The following TLN2 variants were observed in gnomAD, a reference collection of about 807,000 sequenced individuals.
TLN2 encodes talin 2.
A neutral mutation model predicts 294.7 loss-of-function variants in TLN2; 118 were observed. The ratio of observed to expected loss-of-function variants is 0.40; its 90% CI spans 0.34 to 0.47. The LOEUF is 0.47. Ranked by LOEUF, TLN2 falls within the 20% of genes least tolerant of loss-of-function variation. The probability of loss-of-function intolerance (pLI) is 0.84; values close to 1 mark genes in which losing one functional copy is unlikely to be tolerated. For synonymous variants in TLN2, 1,431 were observed against 1,304.5 expected (o/e 1.10, Z -2.09); for missense variants, 3,083 against 3,282.2 (o/e 0.94, Z 1.48).
At chr15:62,712,743 C>T (rs1042426336) in intron 22 of TLN2, among the ~76,000 whole-genome samples, 1 of 150,710 alleles carries the variant, frequency 6.6e-6, no homozygotes, top group East Asian at 1.9e-4. Flanking sequence ...TGTGTGTGTG[C>T]ATGCGTGCGT....
chr15:62,576,441 C>T (rs1478064311), intron 1 of TLN2, among the ~76,000 whole-genome samples: 1 of 152,040 alleles, frequency 6.6e-6, no homozygotes, highest in Non-Finnish European at 1.5e-5. Flanking sequence ...CCCAAAGGCA[C>T]CTGCCAACCT....
In TLN2 at chr15:62,819,481, C is replaced by A. The variant is rs201288062; in HGVS notation, c.6772-35C>A. The A allele has an allele frequency of 2.7e-5, 42 of 1,549,104 alleles. No homozygotes were observed. The African/African-American group carries it at 5.4e-4, about 20-fold the overall frequency. On this transcript the variant is annotated intron_variant, in intron 52 of 58. Coordinates refer to ENST00000636159, the MANE Select transcript of TLN2 (RefSeq NM_015059.3). ...TCTTTCCTGTCCCAGTGGTTACTAT[C>A]CCCCTCATGCCTCTGACTTGTTCTT...
At chr15:62,638,335 A>G (rs2050617509) in intron 3 of TLN2, 7 of 354,532 alleles carry the variant, frequency 2.0e-5, no homozygotes, top group South Asian at 1.1e-4. Context: ...TACCATTTCT[A>G]TGACAGTGAT....
intron 1 of TLN2, among the ~76,000 whole-genome samples, chr15:62,549,700 T>A (rs1056149725): frequency 2.0e-5 from 3 of 152,184 alleles, no homozygotes; most frequent in Non-Finnish European, 4.4e-5. Context: ...GAAGAGTGGT[T>A]TCTCTCAACC....
At chr15:62,449,327 A>C (rs1332396030) in intron 1 of TLN2, among the ~76,000 whole-genome samples, 1 of 152,070 alleles carries the variant, frequency 6.6e-6, no homozygotes, top group Non-Finnish European at 1.5e-5. Flanking sequence ...TCTTTGTCAG[A>C]GTTTGGTCCT....
At position 62,583,910 on chromosome 15, in the gene TLN2, T is replaced by C. The variant is rs1057010504; in HGVS notation, c.-237-5777T>C. Among the ~76,000 whole-genome samples, 3 of 152,328 alleles carry C rather than the reference T, an allele frequency of 2.0e-5. No homozygotes were observed. The South Asian group carries it at 6.2e-4, about 32-fold the overall frequency. ...TCATGGCATCTCTGTTTTTTTTGGT[T>C]GTGAAAAGCTCATAAAGACAGTGTG... On this transcript the variant is annotated intron_variant, in intron 1 of 58. Coordinates refer to ENST00000636159, the MANE Select transcript of TLN2 (RefSeq NM_015059.3).
rs924436714 is a variant in TLN2, at chr15:62,415,520, G to C, written c.-238+24835G>C. Among the ~76,000 whole-genome samples, 2 of 103,506 alleles carry C rather than the reference G, an allele frequency of 1.9e-5. 1 individual carries two copies. The highest frequency in any genetic ancestry group is 4.0e-5 in the Non-Finnish European group (2 of 50,376). 67.9% of individuals were successfully genotyped at this position (103,506 alleles called of 152,430 possible). A position where few individuals can be genotyped will look rare whatever the true frequency, so the allele number is the denominator to read the frequency against. On this transcript the variant is annotated intron_variant, in intron 1 of 58. Coordinates refer to ENST00000636159, the MANE Select transcript of TLN2 (RefSeq NM_015059.3). ...CCAACTGAAACAAACTAAATGTTGA[G>C]ATAGGATTTACTTTGACTTTGAGGG...
chr15:62,598,405 C>T (rs190644532), intron 2 of TLN2, among the ~76,000 whole-genome samples: 5 of 152,220 alleles, frequency 3.3e-5, no homozygotes, highest in South Asian at 4.2e-4. Flanking sequence ...AGCTCTGCCT[C>T]GTTCCCAGCC....
chr15:62,528,797 C>A (rs559078021), intron 1 of TLN2, among the ~76,000 whole-genome samples: 4 of 149,006 alleles, frequency 2.7e-5, no homozygotes, highest in Non-Finnish European at 5.9e-5. Context: ...CCCTTCCAAT[C>A]TGTGTTCAGA....
At chr15:62,720,615 C>T (rs2060075897) in intron 25 of TLN2, among the ~76,000 whole-genome samples, 1 of 151,104 alleles carries the variant, frequency 6.6e-6, no homozygotes, top group Admixed American at 6.6e-5. Context: ...TGATATATCT[C>T]CTCATATTTT....
intron 1 of TLN2, among the ~76,000 whole-genome samples, chr15:62,556,430 C>G (rs944261945): frequency 6.6e-6 from 1 of 151,950 alleles, no homozygotes; most frequent in Admixed American, 6.6e-5. Flanking sequence ...CCTCAGCTTC[C>G]TGGGTAGCTG....
In TLN2 at chr15:62,833,513, G is replaced by C. The variant is rs771295781; in HGVS notation, c.7012G>C (p.Glu2338Gln). 6.2e-7 allele frequency: 1 copy of C among 1,613,928 alleles called. No individual in the cohort carries two copies. The highest frequency in any genetic ancestry group is 1.7e-5 in the Admixed American group (1 of 59,974). The change falls in exon 55 of 59, where the codon GAG (glutamate) becomes CAG (glutamine). Residue 2338 changes from glutamate to glutamine, a missense_variant. Glu to Gln is a conservative substitution (Grantham distance 29). Transcript: ENST00000636159. ...TTTCTTTTGGTTATAGCAAGCGGAT[G>C]AGACCCTGGACTTTGAGGAACAGAT... ...KPRAKPKQAD[E>Q]TLDFEEQILE...
intron 9 of TLN2, among the ~76,000 whole-genome samples, chr15:62,669,401 AC>A (rs146464948): frequency 0.01 from 1,557 of 152,304 alleles, 33 homozygotes; most frequent in African/African-American, 0.035. Context: ...CATGGATCTT[AC>A]TGAGTCTATT....
chr15:62,729,851 T>C (rs1358925226), intron 28 of TLN2, among the ~76,000 whole-genome samples: 3 of 152,122 alleles, frequency 2.0e-5, no homozygotes, highest in Non-Finnish European at 4.4e-5. Flanking sequence ...TCCTTTCAGA[T>C]TCATATGCAT....
At chr15:62,832,770 C>T (rs1221971203) in intron 54 of TLN2, 4 of 152,064 alleles carry the variant, frequency 2.6e-5, no homozygotes, top group Non-Finnish European at 4.4e-5. Context: ...CACAGAAATG[C>T]CAGTGCTGTT....
At chr15:62,645,939 C>T (rs2051773410) in intron 3 of TLN2, among the ~76,000 whole-genome samples, 1 of 151,980 alleles carries the variant, frequency 6.6e-6, no homozygotes, top group Admixed American at 6.6e-5. Flanking sequence ...TGTCTTGTGC[C>T]CAAGGAGTAT....
chr15:62,793,853 C>T (rs1363571830), intron 46 of TLN2, among the ~76,000 whole-genome samples: 2 of 112,514 alleles, frequency 1.8e-5, no homozygotes, highest in African/African-American at 5.2e-5. Flanking sequence ...ACTTGAGGGG[C>T]GGGCAGGGGG....
chr15:62,517,664 A>T (rs2040250203), intron 1 of TLN2, among the ~76,000 whole-genome samples: 1 of 152,226 alleles, frequency 6.6e-6, no homozygotes, highest in African/African-American at 2.4e-5. Context: ...TTTAAAAGTC[A>T]AACACACCGC....
intron 42 of TLN2, among the ~76,000 whole-genome samples, chr15:62,775,492 G>A (rs776749749): frequency 7.2e-5 from 11 of 152,134 alleles, no homozygotes; most frequent in Non-Finnish European, 1.2e-4. Context: ...TCCTGACACC[G>A]TTGCCTCAAG....
Sources: gnomAD v4.1 joint callset for allele counts (sites outside exome capture counted in the v4.1 genomes callset) on GRCh38, gnomAD v4.1.1 for gene constraint, MANE v1.5 for transcripts, NCBI Gene and HGNC (gene_info 2026-07-23, HGNC 2026-07-21) for gene names.